Variants in SNRNP70 observed in about 807,000 individuals in gnomAD.
SNRNP70 encodes U1 small nuclear ribonucleoprotein 70 kDa.
SNRNP70 carries 8 observed loss-of-function variants against 50.5 expected under a neutral mutation model. That is an observed-to-expected ratio of 0.16 (90% CI 0.09 to 0.29). SNRNP70 has a LOEUF of 0.29. SNRNP70 is among the 10% of genes least tolerant of loss of function. The probability of loss-of-function intolerance (pLI) is 1.00; values close to 1 mark genes in which losing one functional copy is unlikely to be tolerated. For synonymous variants in SNRNP70, 320 were observed against 252.9 expected, an observed-to-expected ratio of 1.27 and a Z score of -2.52; for missense variants, 529 against 663.5, an observed-to-expected ratio of 0.80 and a Z score of 2.23.
At chr19:49,102,462 G>C in intron 7 of SNRNP70, 4 of 272,426 alleles carry the variant, frequency 1.5e-5, no homozygotes, top group South Asian at 1.4e-4. Context: ...ACCCGGCTTC[G>C]TGATGTCAGC....
intron 6 of SNRNP70, among the ~76,000 whole-genome samples, 188 bp downstream of exon 6, chr19:49,098,892 TGCTGGTGGTTGGTTGAGA>T (rs2040545862): frequency 1.3e-5 from 2 of 152,186 alleles, no homozygotes; most frequent in Non-Finnish European, 2.9e-5. Flanking sequence ...AAGTAATGAC[TGCTGGTGGTTGGTTGAGA>T]GCAGGGGTTG....
At chr19:49,102,493 G>GAGGGCAGGGCTCC (rs2040601788) in intron 7 of SNRNP70, 5 of 256,488 alleles carry the variant, frequency 1.9e-5, no homozygotes, top group South Asian at 1.2e-4. Flanking sequence ...CAGGAACACC[G>GAGGGCAGGGCTCC]AGGGCAGGGC....
In SNRNP70 at chr19:49,086,652, G is replaced by T. The variant is rs892928926; in HGVS notation, c.147+91G>T. On this transcript the variant is annotated intron_variant, in intron 2 of 9. Transcript: ENST00000598441. The stretch of plus-strand genomic sequence containing the variant: ...CCAGCTTCTGGCCATTTTGCCAGCT[G>T]CGTGATTTAAGCGAGGGGCTTAACC... The T allele has an allele frequency of 9.6e-6, 12 of 1,250,566 alleles. No individual in the cohort carries two copies. In the African/African-American group the frequency reaches 1.8e-4, roughly 19 times the overall value. The allele number at this position is 1,250,566 out of a possible 1,614,324, so 77.5% of individuals were successfully genotyped here. A position where few individuals can be genotyped will look rare whatever the true frequency, so the allele number is the denominator to read the frequency against.
At chr19:49,090,723 C>G in intron 4 of SNRNP70, 1 of 598,124 alleles carries the variant, frequency 1.7e-6, no homozygotes, top group South Asian at 2.0e-5. Context: ...TAAAAGTTGG[C>G]AGGAAGGGAG....
chr19:49,094,412 T>C (rs2040487462), intron 4 of SNRNP70, among the ~76,000 whole-genome samples: 1 of 151,968 alleles, frequency 6.6e-6, no homozygotes, highest in South Asian at 2.1e-4. Flanking sequence ...GGCAGGAGAA[T>C]CACTTGAACT....
At chr19:49,095,792 G>C (rs2040505391) in intron 4 of SNRNP70, among the ~76,000 whole-genome samples, 1 of 152,088 alleles carries the variant, frequency 6.6e-6, no homozygotes, top group Non-Finnish European at 1.5e-5. Context: ...CTCCCAAAGT[G>C]CTGGCATTAC....
chr19:49,093,682 AAAAAAAAAAAC>A (rs1363714026), intron 4 of SNRNP70, among the ~76,000 whole-genome samples: 12 of 142,414 alleles, frequency 8.4e-5, no homozygotes, highest in East Asian at 4.2e-4. Context: ...CCATCTCAAA[AAAAAAAAAAAC>A]AAAAAAAAAA....
At chr19:49,091,200 C>T (rs2040443005) in intron 4 of SNRNP70, among the ~76,000 whole-genome samples, 2 of 152,000 alleles carry the variant, frequency 1.3e-5, no homozygotes, top group South Asian at 4.2e-4. Context: ...GAAATCCTGT[C>T]TCTACTAAAA....
At chr19:49,099,738 T>TAAAAAA (rs71179087) in intron 6 of SNRNP70, among the ~76,000 whole-genome samples, 14 of 138,750 alleles carry the variant, frequency 1.0e-4, no homozygotes, top group African/African-American at 2.2e-4. Flanking sequence ...GACTCCATCT[T>TAAAAAA]AAAAAAAAAA....
chr19:49,090,024 T>C (rs2040428901), intron 2 of SNRNP70, among the ~76,000 whole-genome samples: 1 of 152,092 alleles, frequency 6.6e-6, no homozygotes, highest in Non-Finnish European at 1.5e-5. Context: ...TGTCCCAGGC[T>C]GGTCTGAAAC....
intron 6 of SNRNP70, among the ~76,000 whole-genome samples, chr19:49,099,687 C>T (rs1034430552): frequency 4.7e-5 from 7 of 149,102 alleles, no homozygotes; most frequent in African/African-American, 7.5e-5. Context: ...TGCAGTGAGC[C>T]GAGATCACAC....
At position 49,101,598 on chromosome 19, in the gene SNRNP70, C is replaced by G. The variant is rs1248472697; in HGVS notation, c.475+127C>G. The G allele has an allele frequency of 4.5e-6, 3 of 669,202 alleles. No individual in the cohort carries two copies. In the East Asian group the frequency reaches 8.2e-5, roughly 18 times the overall value. 41.5% of individuals were successfully genotyped at this position (669,202 alleles called of 1,614,324 possible). ...ATTAGCGATGTCTCTTCTCCTCCTC[C>G]CTCTGTTTCTGATGTATCTTTTTTT... is the stretch of plus-strand genomic sequence containing the variant. On this transcript the variant is annotated intron_variant, in intron 7 of 9. Coordinates refer to ENST00000598441, the MANE Select transcript of SNRNP70 (RefSeq NM_003089.6).
chr19:49,086,664 C>G (rs1364785447), intron 2 of SNRNP70, 103 bp downstream of exon 2: 3 of 1,075,908 alleles, frequency 2.8e-6, no homozygotes, highest in South Asian at 2.8e-5. Context: ...GTGATTTAAG[C>G]GAGGGGCTTA....
At chr19:49,092,235 A>G (rs1568418395) in intron 4 of SNRNP70, among the ~76,000 whole-genome samples, 1 of 151,900 alleles carries the variant, frequency 6.6e-6, no homozygotes, top group African/African-American at 2.4e-5. Context: ...CAGCCTCCCA[A>G]GTAGCTGGGA....
chr19:49,086,261 A>G (rs1225546345), intron 1 of SNRNP70, 144 bp from the exon 2 acceptor site: 3 of 909,726 alleles, frequency 3.3e-6, no homozygotes, highest in Non-Finnish European at 4.9e-6. Flanking sequence ...TCTCCGCAAC[A>G]CAGGACTGTT....
intron 4 of SNRNP70, among the ~76,000 whole-genome samples, chr19:49,093,404 C>T (rs574990625): frequency 1.7e-3 from 260 of 151,220 alleles, no homozygotes; most frequent in African/African-American, 5.6e-3. Context: ...TTTTTAAAAA[C>T]GGTTCCACCC....
chr19:49,085,460 C>CG lies in SNRNP70; in HGVS notation c.-185dup. The CG allele has an allele frequency of 2.3e-6, 1 of 430,502 alleles. No individual in the cohort carries two copies. The highest frequency in any genetic ancestry group is 4.7e-6 in the Non-Finnish European group (1 of 212,068). 26.7% of individuals were successfully genotyped at this position (430,502 alleles called of 1,614,324 possible). ...ACCCACCCCCTGCTCCAGTCGCTAT[C>CG]GGAGGCCGCGCGGGTGGCTGAGCAG... On this transcript the variant is annotated 5_prime_UTR_variant, in exon 1 of 10. Transcript: ENST00000598441.
Position 49,104,336 on chromosome 19 carries a change from G to A in SNRNP70, c.476-298G>A. On this transcript the variant is annotated intron_variant, in intron 7 of 9. Transcript: ENST00000598441. This position sits in a 1 kb window ranked among gnomAD's most constrained non-coding sequence, Gnocchi z 5.4. ...TTGGCCGCCCTGGCGGGAGGGGGCT[G>A]TTCCATCATGTGGGAGAGGAAGGGC... 2 of 365,644 alleles carry A rather than the reference G, an allele frequency of 5.5e-6. No individual in the cohort carries two copies. Among genetic ancestry groups the A allele is most frequent in the Non-Finnish European group, 1.0e-5 (2 of 198,924 alleles). 22.6% of individuals were successfully genotyped at this position (365,644 alleles called of 1,614,324 possible).
rs1208483078 is a variant in SNRNP70, at chr19:49,108,317, C to T, written c.1188C>T (p.Gly396=). 1.0e-5 allele frequency: 16 copies of T among 1,592,278 alleles called. No homozygotes were observed. The highest frequency in any genetic ancestry group is 2.3e-5 in the East Asian group (1 of 43,556). The change falls in exon 10 of 10, where the codon GGC becomes GGT. Residue 396 remains glycine, a synonymous_variant. Coordinates refer to ENST00000598441, the MANE Select transcript of SNRNP70 (RefSeq NM_003089.6). The stretch of plus-strand genomic sequence containing the variant: ...GCAGGGATGAGGCCCGAGGTGGGGG[C>T]GGTGGCCAGGACAACGGGCTGGAGG... ...ERGRDEARGG[G]GGQDNGLEGL...
Sources: allele counts gnomAD v4.1 joint callset (sites outside exome capture counted in the v4.1 genomes callset), GRCh38; gene constraint gnomAD v4.1.1; non-coding constraint Gnocchi (gnomAD v3.1); transcripts MANE v1.5; gene names NCBI Gene and HGNC (gene_info 2026-07-23, HGNC 2026-07-21).